TMX4: variants seen among roughly 807,000 people sequenced by gnomAD.
TMX4 encodes thioredoxin related transmembrane protein 4.
In TMX4, 23 loss-of-function variants were observed where a neutral mutation model predicts 33.3. That is an observed-to-expected ratio of 0.69 (90% CI 0.50 to 0.98). The LOEUF is 0.98. Ranked by LOEUF, TMX4 falls within the 50% of genes least tolerant of loss-of-function variation. TMX4 has a pLI of 0.00. For missense variants in TMX4, 399 were observed against 448.9 expected (o/e 0.89, Z 1.01); for synonymous variants, 164 against 161.5 (o/e 1.02, Z -0.12).
Position 7,999,949 on chromosome 20 carries a change from T to G in TMX4, c.339-89A>C. On this transcript the variant is annotated intron_variant, in intron 3 of 7. Coordinates refer to ENST00000246024, the MANE Select transcript of TMX4 (RefSeq NM_021156.4). Reference sequence around the variant, plus strand: ...AATTAAAATAGCTACTGGTGATACATCTGAACGCCATCTGAACTTTAAATT... The same window carrying G: ...AATTAAAATAGCTACTGGTGATACAGCTGAACGCCATCTGAACTTTAAATT... 3 of 1,373,308 alleles carry G rather than the reference T, an allele frequency of 2.2e-6. No homozygotes were observed. In the South Asian group the frequency reaches 4.2e-5, roughly 19 times the overall value. 85.1% of individuals were successfully genotyped at this position (1,373,308 alleles called of 1,614,324 possible).
chr20:8,009,772 A>C (rs1238330313), intron 2 of TMX4, among the ~76,000 whole-genome samples: 1 of 150,474 alleles, frequency 6.6e-6, no homozygotes, highest in Non-Finnish European at 1.5e-5. Context: ...TTAAAAAATG[A>C]GGGATAATTG....
chr20:8,011,647 G>GA (rs1249580355), intron 1 of TMX4, among the ~76,000 whole-genome samples: 2 of 152,062 alleles, frequency 1.3e-5, no homozygotes, highest in Non-Finnish European at 2.9e-5. Context: ...AAAAAGTACT[G>GA]AAAATTAGGC....
chr20:7,990,621 C>T (rs2050650529), intron 5 of TMX4, among the ~76,000 whole-genome samples: 1 of 152,158 alleles, frequency 6.6e-6, no homozygotes, highest in African/African-American at 2.4e-5. Flanking sequence ...CTTAGTCACA[C>T]CCACTCATCC....
intron 2 of TMX4, among the ~76,000 whole-genome samples, chr20:8,002,588 T>A (rs1246188218): frequency 6.6e-6 from 1 of 152,210 alleles, no homozygotes; most frequent in African/African-American, 2.4e-5. Context: ...TTTAACATTT[T>A]CCATCACAGC....
At chr20:7,987,424 T>C (rs1235536787) in intron 5 of TMX4, 35 bp from the exon 6 acceptor site, 2 of 1,477,470 alleles carry the variant, frequency 1.4e-6, no homozygotes, top group Non-Finnish European at 1.8e-6. Context: ...AACATTAATT[T>C]TTAAGAGAAC....
rs73598266 is a variant in TMX4 at position 7,987,400 on chromosome 20, A to G, written c.514-11T>C. On this transcript the variant is annotated splice_polypyrimidine_tract_variant and intron_variant, in intron 5 of 7. Coordinates refer to ENST00000246024, the MANE Select transcript of TMX4 (RefSeq NM_021156.4). ...ATAGTTGTGAAGATGCTGGAATCAG[A>G]AGAAAAAAAATAAAACATTAATTTT... 113 of 1,556,506 alleles carry G rather than the reference A, an allele frequency of 7.3e-5. No homozygotes were observed. In the East Asian group the frequency reaches 2.5e-3, roughly 35 times the overall value.
At chr20:8,011,903 T>G (rs2122879995) in intron 1 of TMX4, among the ~76,000 whole-genome samples, 1 of 152,296 alleles carries the variant, frequency 6.6e-6, no homozygotes, top group East Asian at 1.9e-4. Context: ...ATGTAGATTT[T>G]TTTAAACCTT....
At chr20:7,989,782 T>C (rs929496729) in intron 5 of TMX4, among the ~76,000 whole-genome samples, 1 of 152,220 alleles carries the variant, frequency 6.6e-6, no homozygotes, top group African/African-American at 2.4e-5. Flanking sequence ...TCCAAAGGAA[T>C]AGCTTATTAA....
At chr20:8,004,543 G>A (rs1215266337) in intron 2 of TMX4, among the ~76,000 whole-genome samples, 1 of 152,114 alleles carries the variant, frequency 6.6e-6, no homozygotes, top group African/African-American at 2.4e-5. Context: ...AATGAAGACT[G>A]TGACACAACA....
intron 4 of TMX4, among the ~76,000 whole-genome samples, chr20:7,999,249 T>C (rs78158957): frequency 1.5e-4 from 23 of 152,316 alleles, no homozygotes; most frequent in Admixed American, 3.3e-4. Context: ...TCACCAAGTA[T>C]TATACAGTTT....
chr20:7,986,872 GAAC>G (rs990378527), intron 6 of TMX4, among the ~76,000 whole-genome samples: 5 of 151,746 alleles, frequency 3.3e-5, no homozygotes, highest in Admixed American at 6.6e-5. Context: ...TGGAGGATAA[GAAC>G]AACAACAACA....
At chr20:8,002,739 C>G (rs2050712755) in intron 2 of TMX4, among the ~76,000 whole-genome samples, 1 of 152,064 alleles carries the variant, frequency 6.6e-6, no homozygotes, top group African/African-American at 2.4e-5. Flanking sequence ...TTACTTTCAC[C>G]CATTTTATAA....
chr20:8,007,241 C>G (rs1478440494), intron 2 of TMX4, among the ~76,000 whole-genome samples: 2 of 152,026 alleles, frequency 1.3e-5, no homozygotes, highest in Admixed American at 6.6e-5. Context: ...CCAAACTTAG[C>G]CCCTGTCCCA....
Position 7,982,607 on chromosome 20 carries a change from A to C in TMX4, c.694T>G (p.Ser232Ala). 6.2e-7 allele frequency: 1 copy of C among 1,611,890 alleles called. No homozygotes were observed. Residue 232 changes from serine (S) to alanine (A), a missense_variant, in exon 8 of 8, where the codon TCA (serine) becomes GCA (alanine). Coordinates refer to ENST00000246024, the MANE Select transcript of TMX4 (RefSeq NM_021156.4). ...TGTTCAGCTCTATGAGCCTCCTCTG[A>C]TCTCCGATTCTGCTCTATGGAGGGA... ...LSERSEQNRR[S>A]EEAHRAEQLQ...
At chr20:8,010,953 T>C (rs1031049910) in intron 1 of TMX4, among the ~76,000 whole-genome samples, 1 of 152,166 alleles carries the variant, frequency 6.6e-6, no homozygotes, top group Non-Finnish European at 1.5e-5. Flanking sequence ...GAAAGCATTA[T>C]GGCAGAAGCT....
chr20:8,018,892 G>T, intron 1 of TMX4: 1 of 360,142 alleles, frequency 2.8e-6, no homozygotes, highest in South Asian at 2.1e-5. Context: ...GACATCTCCA[G>T]GTCTTCAAAC....
At chr20:8,014,290 T>C (rs2050763979) in intron 1 of TMX4, among the ~76,000 whole-genome samples, 1 of 152,190 alleles carries the variant, frequency 6.6e-6, no homozygotes, top group Non-Finnish European at 1.5e-5. Context: ...TGGAAGGTCC[T>C]AGGCCACCAC....
rs747213204 is a variant in TMX4, at chr20:8,001,508, G to A, written c.326C>T (p.Pro109Leu). The part of the protein sequence containing the change: ...LSGRFFVTTL[P>L]AFFHAKDGIF... The stretch of plus-strand genomic sequence containing the variant: ...TATTTAAACTTACTGAAAAAATGCT[G>A]GGAGAGTGGTGACAAAGAAGCGGCC... The change falls in exon 3 of 8, where the codon CCA becomes CTA. Residue 109 changes from proline (P) to leucine (L), a missense_variant. Pro to Leu is a moderately conservative substitution (Grantham distance 98, BLOSUM62 -3). Coordinates refer to ENST00000246024, the MANE Select transcript of TMX4 (RefSeq NM_021156.4). 6.3e-7 allele frequency: 1 copy of A among 1,599,136 alleles called. No individual in the cohort carries two copies. Among genetic ancestry groups the A allele is most frequent in the South Asian group, 1.1e-5 (1 of 88,988 alleles).
intron 1 of TMX4, among the ~76,000 whole-genome samples, chr20:8,013,143 T>C (rs1255268852): frequency 2.0e-5 from 3 of 152,216 alleles, no homozygotes; most frequent in Non-Finnish European, 2.9e-5. Context: ...TGTGTACACA[T>C]AGATACATAT....
Sources: allele counts gnomAD v4.1 joint callset (sites outside exome capture counted in the v4.1 genomes callset), GRCh38; gene constraint gnomAD v4.1.1; transcripts MANE v1.5; gene names NCBI Gene and HGNC (gene_info 2026-07-23, HGNC 2026-07-21).